The following LPA variants were observed in gnomAD, a reference collection of about 807,000 sequenced individuals.
LPA encodes the protein apolipoprotein(a).
In LPA, 199 loss-of-function variants were observed where a neutral mutation model predicts 197.9. The ratio of observed to expected loss-of-function variants is 1.01; its 90% confidence interval spans 0.90 to 1.13. The LOEUF is 1.13. Among genes scored for constraint, LPA ranks in the 50% most tolerant of loss-of-function variants. The pLI, the probability that LPA is intolerant of heterozygous loss-of-function variation, is 0.00. For missense variants in LPA, 1,853 were observed against 1,785.8 expected, an observed-to-expected ratio of 1.04 and a Z score of -0.68; for synonymous variants, 715 against 639.5, an observed-to-expected ratio of 1.12 and a Z score of -1.78.
chr6:160,583,484 G>A (rs1044336592), intron 26 of LPA, among the ~76,000 whole-genome samples: 11 of 152,088 alleles, frequency 7.2e-5, no homozygotes, highest in African/African-American at 2.2e-4. Flanking sequence ...TGCCCAAGAT[G>A]TTCAATGAAG....
intron 26 of LPA, among the ~76,000 whole-genome samples, chr6:160,581,707 T>C (rs1210344850): frequency 6.6e-6 from 1 of 152,210 alleles, no homozygotes; most frequent in East Asian, 1.9e-4. Context: ...TTAAAGATTG[T>C]CTTGGTGATT....
chr6:160,613,161 AG>A (rs1779549527), intron 14 of LPA, 48 bp from the exon 15 acceptor site: 2 of 338,542 alleles, frequency 5.9e-6, no homozygotes, highest in Non-Finnish European at 1.1e-5. Context: ...GACAACATGC[AG>A]GGGCACCCCA....
chr6:160,584,884 T>G (rs1269107616), intron 26 of LPA, among the ~76,000 whole-genome samples, 162 bp downstream of exon 26: 2 of 152,200 alleles, frequency 1.3e-5, no homozygotes, highest in African/African-American at 4.8e-5. Flanking sequence ...AAACTTCTCT[T>G]CATTCAGACC....
intron 1 of LPA, among the ~76,000 whole-genome samples, chr6:160,662,258 A>G (rs563686125): frequency 2.7e-4 from 41 of 152,250 alleles, no homozygotes; most frequent in Non-Finnish European, 3.8e-4. Context: ...ATGTAGATGT[A>G]TATTGCTACT....
chr6:160,589,492 C>T, intron 24 of LPA, 61 bp downstream of exon 24: 1 of 1,583,280 alleles, frequency 6.3e-7, no homozygotes, highest in Non-Finnish European at 8.7e-7. Flanking sequence ...GGAAGCATGG[C>T]TCTTCCAGGA....
chr6:160,599,534 G>A lies in LPA; in HGVS notation c.3253C>T (p.Gln1085Ter), dbSNP rs769482476. 6.2e-7 allele frequency: 1 copy of A among 1,614,034 alleles called. No homozygotes were observed. The highest frequency in any genetic ancestry group is 8.5e-7 in the Non-Finnish European group (1 of 1,179,958). Residue 1085 changes from glutamine to a stop codon, truncating the protein, a stop_gained, in exon 20 of 39, where the codon CAG becomes TAG. Transcript: ENST00000316300. LOFTEE classifies it high-confidence loss of function. ...CQAWSSMTPH[Q>*]HSRTPENYPN... ...TAGTTTTCTGGGGTCCGACTATGCT[G>A]GTGTGGTGTCATAGATGACCAAGCT...
intron 16 of LPA, 141 bp from the exon 17 acceptor site, chr6:160,606,799 G>T: frequency 2.3e-6 from 3 of 1,286,746 alleles, no homozygotes; most frequent in Non-Finnish European, 2.2e-6. Context: ...ATTGCCACAA[G>T]CACAAATGGC....
intron 24 of LPA, among the ~76,000 whole-genome samples, chr6:160,587,264 C>T (rs1358777777): frequency 6.6e-6 from 1 of 152,196 alleles, no homozygotes; most frequent in East Asian, 1.9e-4. Flanking sequence ...TTTGGCCAAT[C>T]ATATAGACTT....
chr6:160,552,515 T>C (rs1778182563), intron 30 of LPA, among the ~76,000 whole-genome samples: 1 of 152,226 alleles, frequency 6.6e-6, no homozygotes, highest in South Asian at 2.1e-4. Context: ...GATATTGCTT[T>C]AAAACTTTAA....
chr6:160,601,231 T>C (rs1779236944), intron 18 of LPA, 133 bp from the exon 19 acceptor site: 6 of 755,784 alleles, frequency 7.9e-6, no homozygotes, highest in African/African-American at 3.4e-5. Flanking sequence ...ATTGCCACAA[T>C]GACAAATGGC....
chr6:160,656,330 A>G (rs929203305), intron 1 of LPA, among the ~76,000 whole-genome samples: 1 of 152,156 alleles, frequency 6.6e-6, no homozygotes, highest in East Asian at 1.9e-4. Context: ...TCCCACCATA[A>G]TAGCCCTCAT....
chr6:160,586,224 C>T (rs1778907046), intron 25 of LPA, among the ~76,000 whole-genome samples: 21 of 152,078 alleles, frequency 1.4e-4, no homozygotes, highest in Admixed American at 1.4e-3. Flanking sequence ...AATCCAGTGT[C>T]CTAGAGGGTC....
At position 160,557,709 on chromosome 6, in the gene LPA, A is replaced by G. The variant is rs983504144; in HGVS notation, c.4632-138T>C. ...CCATTTTAGGTACAATAATATTCCG[A>G]AAAGCAAAAACGGTCCTCAAGTTCT... On this transcript the variant is annotated intron_variant, in intron 28 of 38. Transcript: ENST00000316300. 5 of 689,070 alleles carry G rather than the reference A, an allele frequency of 7.3e-6. No homozygotes were observed. The East Asian group carries it at 1.3e-4, about 18-fold the overall frequency. 42.7% of individuals were successfully genotyped at this position (689,070 alleles called of 1,614,324 possible).
intron 23 of LPA, among the ~76,000 whole-genome samples, chr6:160,590,430 G>A (rs1779004076): frequency 6.6e-6 from 1 of 152,174 alleles, no homozygotes; most frequent in African/African-American, 2.4e-5. Flanking sequence ...AAGGTAGACA[G>A]GGAGATAGAG....
rs535519951 is a variant in LPA, at chr6:160,541,183, T to C, written c.5520-2A>G. On this transcript the variant is annotated splice_acceptor_variant, in intron 34 of 38. Transcript: ENST00000316300. LOFTEE classifies it high-confidence loss of function. The stretch of plus-strand genomic sequence containing the variant: ...CCTCCACAGAAGTGCTTTCCAAACC[T>C]AGAAAGAAAACATGCCAAGGCTTTG... 67 of 1,611,320 alleles carry C rather than the reference T, an allele frequency of 4.2e-5. No individual in the cohort carries two copies. Among genetic ancestry groups the C allele is most frequent in the Non-Finnish European group, 5.4e-5 (64 of 1,177,484 alleles).
chr6:160,575,409 G>T (rs1486706827), intron 28 of LPA, among the ~76,000 whole-genome samples: 2 of 152,130 alleles, frequency 1.3e-5, no homozygotes, highest in Non-Finnish European at 2.9e-5. Flanking sequence ...AATGCTTCTT[G>T]TATGTCTAGT....
chr6:160,603,474 T>A (rs1255331795), intron 18 of LPA, among the ~76,000 whole-genome samples: 1 of 152,230 alleles, frequency 6.6e-6, no homozygotes, highest in Non-Finnish European at 1.5e-5. Context: ...GGCTCTTCTA[T>A]ACTGTTACTG....
At chr6:160,588,971 T>C (rs1160026130) in intron 24 of LPA, among the ~76,000 whole-genome samples, 2 of 152,222 alleles carry the variant, frequency 1.3e-5, no homozygotes, top group African/African-American at 4.8e-5. Flanking sequence ...TCCATCTTCC[T>C]GAATGTGTAA....
chr6:160,582,857 T>A (rs886835201), intron 26 of LPA, among the ~76,000 whole-genome samples: 2 of 152,156 alleles, frequency 1.3e-5, no homozygotes, highest in Non-Finnish European at 2.9e-5. Flanking sequence ...TTTTCATAGA[T>A]GTCCTTGAGG....
Sources: gnomAD v4.1 joint callset for allele counts (sites outside exome capture counted in the v4.1 genomes callset) on GRCh38, gnomAD v4.1.1 for gene constraint, MANE v1.5 for transcripts, NCBI Gene and HGNC (gene_info 2026-07-23, HGNC 2026-07-21) for gene names.